Variants in FAM161B observed in about 807,000 individuals in gnomAD.
FAM161B encodes the protein protein FAM161B.
A neutral mutation model predicts 61.5 loss-of-function variants in FAM161B; 46 were observed. The ratio of observed to expected loss-of-function variants is 0.75; its 90% CI spans 0.59 to 0.96. The LOEUF is 0.96. Ranked by LOEUF, FAM161B falls within the 40% of genes least tolerant of loss-of-function variation. FAM161B has a pLI of 0.00. For missense variants in FAM161B, 774 were observed against 800.7 expected (o/e 0.97, Z 0.40); for synonymous variants, 284 against 302.7 (o/e 0.94, Z 0.64).
intron 1 of FAM161B, among the ~76,000 whole-genome samples, chr14:73,947,479 T>G (rs969491728): frequency 1.3e-5 from 2 of 151,858 alleles, no homozygotes; most frequent in African/African-American, 4.8e-5. Context: ...GACACACAAT[T>G]AACTTTTTCA....
Position 73,944,385 on chromosome 14 carries a change from C to T in FAM161B, c.875G>A (p.Arg292Lys). The change falls in exon 3 of 9, where the codon AGA becomes AAA. Residue 292 changes from arginine (R) to lysine (K), a missense_variant. Physicochemically the swap from Arg to Lys is conservative, Grantham distance 26. Transcript: ENST00000286544. ...CTCCAGAATGGACTTGGGAATCCTT[C>T]TGGTGGCCTTCTGCTTGGAGATCTT... ...EAKISKQKATRRIPKSILEPA... is the reference protein window; with the variant it reads ...EAKISKQKATKRIPKSILEPA... 6.2e-7 allele frequency: 1 copy of T among 1,605,482 alleles called. No homozygotes were observed.
At chr14:73,937,777 G>GT (rs2052021116) in intron 6 of FAM161B, 76 bp from the exon 7 acceptor site, 1 of 1,564,424 alleles carries the variant, frequency 6.4e-7, no homozygotes, top group Non-Finnish European at 8.8e-7. Context: ...GTAAAGCAGT[G>GT]TAACTCTCGT....
chr14:73,940,955 AT>A lies in FAM161B; in HGVS notation c.1370del (p.Asp457ValfsTer41), dbSNP rs753391393. On this transcript the variant is annotated frameshift_variant, in exon 5 of 9. Coordinates refer to ENST00000286544, the MANE Select transcript of FAM161B (RefSeq NM_152445.3). LOFTEE classifies it high-confidence loss of function. ...CTGCAGATTCCCTCTTCCTGGTGGC[AT>A]CTGTGATGTGCACAGGGAGAGTGTT... ...SANTLPVHIT[D>X]ATRKRESAVR... 13 of 1,613,012 alleles carry A rather than the reference AT, an allele frequency of 8.1e-6. No individual in the cohort carries two copies. The African/African-American group carries it at 1.7e-4, about 22-fold the overall frequency.
intron 2 of FAM161B, among the ~76,000 whole-genome samples, chr14:73,945,666 TGATCCAGCCACCTC>T (rs1397399391): frequency 8.6e-5 from 13 of 151,464 alleles, no homozygotes; most frequent in African/African-American, 3.2e-4. Flanking sequence ...CCTGACCTCA[TGATCCAGCCACCTC>T]GGCTTCCCAA....
downstream of FAM161B, chr14:73,931,386 C>G (rs1299365373): frequency 3.6e-6 from 3 of 836,620 alleles, no homozygotes; most frequent in Non-Finnish European, 5.7e-6. Context: ...AGTAGATAGC[C>G]TTCATTCACC....
At chr14:73,931,883 G>C (rs568735528), downstream of FAM161B, 1 of 446,678 alleles carries the variant, frequency 2.2e-6, no homozygotes, top group African/African-American at 2.0e-5. Flanking sequence ...TTCCTTTGAA[G>C]AGTTTTCATC....
chr14:73,942,570 A>C lies in FAM161B; in HGVS notation c.1071T>G (p.Phe357Leu). 6.2e-7 allele frequency: 1 copy of C among 1,614,204 alleles called. No individual in the cohort carries two copies. Among genetic ancestry groups the C allele is most frequent in the Non-Finnish European group, 8.5e-7 (1 of 1,180,038 alleles). ...GCTGGAATCTGAAGTTAGTGTGCAG[A>C]AACCCAAGCTTTTCCTGCTGGGTTC... The part of the protein sequence containing the change: ...ATRTQQEKLG[F>L]LHTNFRFQPR... The change falls in exon 4 of 9, where the codon TTT (phenylalanine) becomes TTG (leucine). Residue 357 changes from phenylalanine to leucine, a missense_variant. By Grantham distance (22) the Phe-to-Leu change is conservative (BLOSUM62 0). Transcript: ENST00000286544.
intron 7 of FAM161B, among the ~76,000 whole-genome samples, chr14:73,937,095 GAAA>G (rs5809637): frequency 4.0e-5 from 6 of 151,592 alleles, no homozygotes; most frequent in Admixed American, 3.9e-4. Context: ...AATAAAAGAA[GAAA>G]AAAAAATTTC....
At chr14:73,937,560 TTA>T in intron 7 of FAM161B, 40 bp downstream of exon 7, 1 of 1,563,674 alleles carries the variant, frequency 6.4e-7, no homozygotes, top group Non-Finnish European at 8.7e-7. Flanking sequence ...CAGAGTCCTT[TTA>T]TCTAAGGCAG....
intron 3 of FAM161B, 142 bp downstream of exon 3, chr14:73,944,193 C>G: frequency 7.4e-7 from 1 of 1,351,758 alleles, no homozygotes; most frequent in Non-Finnish European, 1.0e-6. Context: ...CCCCAATGGC[C>G]TGCACTAAGC....
chr14:73,932,986 T>A lies in FAM161B; in HGVS notation c.*1270A>T, dbSNP rs2055937857. 6.5e-6 allele frequency: 1 copy of A among 153,576 alleles called. No homozygotes were observed. Among genetic ancestry groups the A allele is most frequent in the South Asian group, 2.0e-4 (1 of 4,918 alleles). The allele number at this position is 153,576 out of a possible 1,614,324, so 9.5% of individuals were successfully genotyped here. On this transcript the variant is annotated 3_prime_UTR_variant, in exon 9 of 9. Coordinates refer to ENST00000286544, the MANE Select transcript of FAM161B (RefSeq NM_152445.3). Reference sequence around the variant, plus strand: ...CCAAAGTTCACCTACTAGTAGAAAATCTTGGTTGTCTGGGAAATTTTAAGT... The same window carrying A: ...CCAAAGTTCACCTACTAGTAGAAAAACTTGGTTGTCTGGGAAATTTTAAGT...
chr14:73,937,215 G>C (rs905061823), intron 7 of FAM161B, among the ~76,000 whole-genome samples: 43 of 152,148 alleles, frequency 2.8e-4, no homozygotes, highest in African/African-American at 9.9e-4. Flanking sequence ...TAGAGGCTGG[G>C]GAGGCCCAGG....
In FAM161B at chr14:73,934,023, T is replaced by C; in HGVS notation, c.*233A>G. The C allele has an allele frequency of 2.5e-6, 1 of 397,856 alleles. No individual in the cohort carries two copies. The highest frequency in any genetic ancestry group is 4.5e-6 in the Non-Finnish European group (1 of 223,712). The allele number at this position is 397,856 out of a possible 1,614,324, so 24.6% of individuals were successfully genotyped here. Reference sequence around the variant, plus strand: ...TTTTAGTAGAGGTGGAGTTTTGCCGTGTTGGCTGGACTGGTCTCAAACTCC... The same window carrying C: ...TTTTAGTAGAGGTGGAGTTTTGCCGCGTTGGCTGGACTGGTCTCAAACTCC... On this transcript the variant is annotated 3_prime_UTR_variant, in exon 9 of 9. Coordinates refer to ENST00000286544, the MANE Select transcript of FAM161B (RefSeq NM_152445.3).
intron 3 of FAM161B, among the ~76,000 whole-genome samples, chr14:73,943,758 G>C (rs996541190): frequency 5.3e-5 from 8 of 152,106 alleles, no homozygotes; most frequent in Non-Finnish European, 8.8e-5. Flanking sequence ...CGCCACATTT[G>C]TATGTATTTG....
At position 73,934,003 on chromosome 14, in the gene FAM161B, G is replaced by A. The variant is rs940845629; in HGVS notation, c.*253C>T. The A allele has an allele frequency of 8.9e-6, 3 of 338,892 alleles. No homozygotes were observed. The highest frequency in any genetic ancestry group is 4.3e-5 in the African/African-American group (2 of 46,150). The allele number at this position is 338,892 out of a possible 1,614,324, so 21.0% of individuals were successfully genotyped here. ...CGCCCAGCTAATTTTTGTATTTTTA[G>A]TAGAGGTGGAGTTTTGCCGTGTTGG... On this transcript the variant is annotated 3_prime_UTR_variant, in exon 9 of 9. Coordinates refer to ENST00000286544, the MANE Select transcript of FAM161B (RefSeq NM_152445.3).
chr14:73,924,425 C>A, the FAM161B span, among the ~76,000 whole-genome samples: 93 of 152,198 alleles, frequency 6.1e-4, no homozygotes, highest in African/African-American at 2.1e-3. Context: ...GACTTCTGAT[C>A]TAAACAAAAA....
At chr14:73,949,944 C>A (rs765101227) in intron 1 of FAM161B, 29 bp downstream of exon 1, 1 of 1,612,306 alleles carries the variant, frequency 6.2e-7, no homozygotes, top group South Asian at 1.1e-5. Context: ...GGATTCCTTT[C>A]CCGGGGGCAG....
downstream of FAM161B, among the ~76,000 whole-genome samples, chr14:73,930,483 A>AT (rs765405238): frequency 1.8e-4 from 28 of 152,024 alleles, no homozygotes; most frequent in Non-Finnish European, 3.1e-4. Flanking sequence ...ATTCTACTGT[A>AT]TAAATTACCT....
chr14:73,934,736 C>T (rs1056277453), intron 8 of FAM161B, among the ~76,000 whole-genome samples: 5 of 152,030 alleles, frequency 3.3e-5, no homozygotes, highest in African/African-American at 7.2e-5. Context: ...CGTGAGCCAC[C>T]GTGCCCAGTC....
Sources: allele counts gnomAD v4.1 joint callset (sites outside exome capture counted in the v4.1 genomes callset), GRCh38; gene constraint gnomAD v4.1.1; transcripts MANE v1.5; gene names NCBI Gene and HGNC (gene_info 2026-07-23, HGNC 2026-07-21).